The following SLC8A1 variants were observed in gnomAD, a reference collection of about 807,000 sequenced individuals.
SLC8A1 encodes solute carrier family 8 member A1, also known as sodium/calcium exchanger 1.
SLC8A1 carries 18 observed loss-of-function variants against 68.3 expected under a neutral mutation model. That is an observed-to-expected ratio of 0.26 (90% CI 0.18 to 0.39). SLC8A1 has a LOEUF of 0.39. Ranked by LOEUF, SLC8A1 falls within the 10% of genes least tolerant of loss-of-function variation. The pLI, the probability that SLC8A1 is intolerant of heterozygous loss-of-function variation, is 1.00. For missense variants in SLC8A1, 985 were observed against 1,156.7 expected, an observed-to-expected ratio of 0.85 and a Z score of 2.15; for synonymous variants, 475 against 415.5, an observed-to-expected ratio of 1.14 and a Z score of -1.74.
chr2:40,242,285 G>T (rs1299737819), intron 2 of SLC8A1, among the ~76,000 whole-genome samples: 1 of 152,174 alleles, frequency 6.6e-6, no homozygotes, highest in Admixed American at 6.5e-5. Context: ...TTAGTTCTTT[G>T]TGAATGTAAT....
At chr2:40,353,596 G>C (rs905248335) in intron 2 of SLC8A1, among the ~76,000 whole-genome samples, 3 of 152,018 alleles carry the variant, frequency 2.0e-5, no homozygotes, top group Non-Finnish European at 4.4e-5. Context: ...GAGAACTGTC[G>C]ACTGTGGTAA....
intron 1 of SLC8A1, among the ~76,000 whole-genome samples, chr2:40,466,393 G>T (rs147735309): frequency 5.3e-5 from 8 of 152,246 alleles, no homozygotes; most frequent in African/African-American, 1.7e-4. Flanking sequence ...CTTCACAGGG[G>T]CTACACTCAA....
chr2:40,422,195 C>T (rs1215957521), intron 2 of SLC8A1, among the ~76,000 whole-genome samples: 4 of 152,154 alleles, frequency 2.6e-5, no homozygotes, highest in Admixed American at 2.6e-4. Flanking sequence ...TTTAACTCTA[C>T]TGTTGCAAGG....
chr2:40,404,658 C>A (rs1013925823), intron 2 of SLC8A1, among the ~76,000 whole-genome samples: 8 of 152,104 alleles, frequency 5.3e-5, no homozygotes, highest in African/African-American at 1.7e-4. Context: ...ACTTAGGGTG[C>A]CATTTCTCGC....
chr2:40,264,678 C>T (rs1173601157), intron 2 of SLC8A1, among the ~76,000 whole-genome samples: 2 of 152,114 alleles, frequency 1.3e-5, no homozygotes, highest in East Asian at 3.9e-4. Context: ...GGAAGGGGAA[C>T]ATCACACTCT....
At chr2:40,145,125 G>A (rs1484472551) in intron 6 of SLC8A1, among the ~76,000 whole-genome samples, 1 of 152,038 alleles carries the variant, frequency 6.6e-6, no homozygotes, top group Non-Finnish European at 1.5e-5. Flanking sequence ...TCCTATCTTG[G>A]TGTATTTGAG....
At chr2:40,314,572 G>A (rs922463736) in intron 2 of SLC8A1, among the ~76,000 whole-genome samples, 1 of 151,638 alleles carries the variant, frequency 6.6e-6, no homozygotes, top group South Asian at 2.1e-4. Flanking sequence ...GAATTACATT[G>A]AATCTCTAGA....
At chr2:40,124,309 C>T (rs949756555) in intron 7 of SLC8A1, among the ~76,000 whole-genome samples, 3 of 152,134 alleles carry the variant, frequency 2.0e-5, no homozygotes, top group Admixed American at 6.6e-5. Context: ...TGTGCCTTTC[C>T]CCAATGGATA....
intron 7 of SLC8A1, among the ~76,000 whole-genome samples, chr2:40,133,282 A>T (rs1478208002): frequency 6.6e-6 from 1 of 152,066 alleles, no homozygotes; most frequent in Non-Finnish European, 1.5e-5. Context: ...TTTATATATC[A>T]AGTTCTTTCT....
intron 1 of SLC8A1, among the ~76,000 whole-genome samples, chr2:40,482,651 T>G (rs1237356174): frequency 6.6e-6 from 1 of 152,126 alleles, no homozygotes; most frequent in Non-Finnish European, 1.5e-5. Flanking sequence ...GAGTGGGGAT[T>G]TGAATCCAGA....
At chr2:40,300,365 G>A (rs2149263944) in intron 2 of SLC8A1, among the ~76,000 whole-genome samples, 1 of 152,204 alleles carries the variant, frequency 6.6e-6, no homozygotes, top group Admixed American at 6.5e-5. Context: ...ACAAGGTCAT[G>A]TGACTAGCAA....
At chr2:40,275,820 G>C (rs1438361882) in intron 2 of SLC8A1, among the ~76,000 whole-genome samples, 1 of 152,178 alleles carries the variant, frequency 6.6e-6, no homozygotes, top group East Asian at 1.9e-4. Flanking sequence ...TGAATGCTCT[G>C]CTGGAGGTCA....
At chr2:40,282,144 T>C (rs2149191131) in intron 2 of SLC8A1, among the ~76,000 whole-genome samples, 1 of 152,118 alleles carries the variant, frequency 6.6e-6, no homozygotes, top group Admixed American at 6.6e-5. Context: ...TTTTCTGACT[T>C]TTTTTTTCTT....
At chr2:40,261,981 T>TTTTTTTA (rs2064770940) in intron 2 of SLC8A1, among the ~76,000 whole-genome samples, 1 of 151,846 alleles carries the variant, frequency 6.6e-6, no homozygotes. Flanking sequence ...TTTTTTTTTT[T>TTTTTTTA]GAGACAGAAT....
chr2:40,474,646 T>C (rs1704175298), intron 1 of SLC8A1, among the ~76,000 whole-genome samples: 1 of 152,240 alleles, frequency 6.6e-6, no homozygotes. Context: ...CTGTTCTGAA[T>C]ACTTCTTAAG....
chr2:40,491,609 T>C (rs187858616), intron 1 of SLC8A1, among the ~76,000 whole-genome samples: 2 of 152,270 alleles, frequency 1.3e-5, no homozygotes, highest in Non-Finnish European at 2.9e-5. Flanking sequence ...CAGTATGATA[T>C]TGGCTGTGGG....
At chr2:40,495,442 T>A (rs982998053) in intron 1 of SLC8A1, among the ~76,000 whole-genome samples, 1 of 152,038 alleles carries the variant, frequency 6.6e-6, no homozygotes, top group Non-Finnish European at 1.5e-5. Flanking sequence ...TGTTTTTTTC[T>A]TCTTCTTCAA....
chr2:40,327,252 T>G (rs1022592116), intron 2 of SLC8A1, among the ~76,000 whole-genome samples: 5 of 152,232 alleles, frequency 3.3e-5, no homozygotes, highest in African/African-American at 1.2e-4. Flanking sequence ...AGTTGCATGA[T>G]TCCATTGAAT....
At chr2:40,184,247 G>A (rs1033598123) in intron 2 of SLC8A1, among the ~76,000 whole-genome samples, 4 of 151,944 alleles carry the variant, frequency 2.6e-5, no homozygotes, top group Non-Finnish European at 5.9e-5. Context: ...ATGCAGCCAG[G>A]GCTTGCTTTA....
Sources: gnomAD v4.1 joint callset for allele counts (sites outside exome capture counted in the v4.1 genomes callset) on GRCh38, gnomAD v4.1.1 for gene constraint, MANE v1.5 for transcripts, NCBI Gene and HGNC (gene_info 2026-07-23, HGNC 2026-07-21) for gene names.